The following VAMP7 variants were observed in gnomAD, a reference collection of about 807,000 sequenced individuals.
The protein encoded by VAMP7 is vesicle associated membrane protein 7.
In VAMP7, 14 loss-of-function variants were observed where a neutral mutation model predicts 29.6. That is an observed-to-expected ratio of 0.47 (90% confidence interval 0.31 to 0.74). VAMP7 has a LOEUF of 0.74. VAMP7 is among the 30% of genes least tolerant of loss of function. The pLI is 0.05. For missense variants in VAMP7, 223 were observed against 262.4 expected (o/e 0.85, Z 1.04); for synonymous variants, 95 against 88.1 (o/e 1.08, Z -0.44).
In VAMP7 at chrX:155,895,541, C is replaced by T. The variant is rs142456009; in HGVS notation, c.147-82C>T. 6.9e-3 allele frequency: 6,879 copies of T among 990,394 alleles called. 28 individuals carry two copies. The highest frequency in any genetic ancestry group is 9.1e-3 in the Non-Finnish European group (5,730 of 628,896). 61.4% of individuals were successfully genotyped at this position (990,394 alleles called of 1,614,324 possible). A position where few individuals can be genotyped will look rare whatever the true frequency, so the allele number is the denominator to read the frequency against. ...ATATGGTGACATTGGCAGTACTGAA[C>T]GTGCTTATACATAGATAGAAGATAG... On this transcript the variant is annotated intron_variant, in intron 2 of 7. Coordinates refer to ENST00000286448, the MANE Select transcript of VAMP7 (RefSeq NM_005638.6).
intron 3 of VAMP7, among the ~76,000 whole-genome samples, chrX:155,896,530 C>T (rs2065989541): frequency 6.6e-6 from 1 of 152,154 alleles, no homozygotes; most frequent in Non-Finnish European, 1.5e-5. Context: ...CATTAAGGTC[C>T]TTTCTCTTCT....
At chrX:155,931,053 C>T (rs76446736) in intron 6 of VAMP7, among the ~76,000 whole-genome samples, 10 of 152,060 alleles carry the variant, frequency 6.6e-5, no homozygotes, top group South Asian at 6.2e-4. Flanking sequence ...TCCTTTTTTA[C>T]GGCTGCGTAG....
chrX:155,939,509 CAT>C (rs1569453195), intron 6 of VAMP7, among the ~76,000 whole-genome samples, 190 bp from the exon 7 acceptor site: 2 of 152,132 alleles, frequency 1.3e-5, no homozygotes. Context: ...TCATTGGGCT[CAT>C]ACTGCTTATG....
At chrX:155,899,821 G>A (rs776135942) in intron 4 of VAMP7, among the ~76,000 whole-genome samples, 50 of 152,108 alleles carry the variant, frequency 3.3e-4, no homozygotes, top group South Asian at 1.4e-3. Flanking sequence ...CTGTTCCTTT[G>A]TCTGTAAATA....
In VAMP7 at chrX:155,895,720, A is replaced by T. The variant is rs2065978741; in HGVS notation, c.204+40A>T. On this transcript the variant is annotated intron_variant, in intron 3 of 7. Transcript: ENST00000286448. The stretch of plus-strand genomic sequence containing the variant: ...GACATATTGCTATTTAACTATGTGT[A>T]CTGTTAATACAGCCAGTTCTTAATT... The T allele has an allele frequency of 1.9e-6, 3 of 1,546,328 alleles. No homozygotes were observed. The South Asian group carries it at 3.4e-5, about 17-fold the overall frequency.
intron 1 of VAMP7, among the ~76,000 whole-genome samples, chrX:155,885,136 C>G (rs2065850353): frequency 6.6e-6 from 1 of 152,148 alleles, no homozygotes; most frequent in Non-Finnish European, 1.5e-5. Flanking sequence ...ATTTATAATT[C>G]TCATTTGAAT....
At chrX:155,909,521 A>G (rs1316728388) in intron 5 of VAMP7, among the ~76,000 whole-genome samples, 1 of 151,858 alleles carries the variant, frequency 6.6e-6, no homozygotes, top group African/African-American at 2.4e-5. Flanking sequence ...CTAGCTTTAG[A>G]TTTAGTTTAC....
chrX:155,913,265 G>C (rs2066263845), intron 5 of VAMP7, among the ~76,000 whole-genome samples: 1 of 152,062 alleles, frequency 6.6e-6, no homozygotes, highest in Non-Finnish European at 1.5e-5. Context: ...GTAGATTCCG[G>C]ATATTAGCCC....
chrX:155,925,316 T>A (rs192053499), intron 6 of VAMP7, among the ~76,000 whole-genome samples: 30 of 152,334 alleles, frequency 2.0e-4, no homozygotes, highest in African/African-American at 6.7e-4. Context: ...AATCATTATC[T>A]ATGGCAGCTA....
chrX:155,937,159 A>G (rs1239761671), intron 6 of VAMP7, among the ~76,000 whole-genome samples: 2 of 152,214 alleles, frequency 1.3e-5, no homozygotes, highest in Non-Finnish European at 2.9e-5. Context: ...AGTGAAATAT[A>G]CTAGACACAG....
At chrX:155,897,582 C>G (rs761691072) in intron 3 of VAMP7, among the ~76,000 whole-genome samples, 1 of 152,062 alleles carries the variant, frequency 6.6e-6, no homozygotes, top group East Asian at 1.9e-4. Context: ...TTTTTTTCCT[C>G]TAAGGTATTC....
intron 5 of VAMP7, among the ~76,000 whole-genome samples, chrX:155,912,104 G>T (rs964962612): frequency 6.6e-6 from 1 of 152,070 alleles, no homozygotes; most frequent in African/African-American, 2.4e-5. Flanking sequence ...CATTCCGTAT[G>T]ATGTTAGCTG....
At chrX:155,887,846 A>G (rs1389919176) in intron 1 of VAMP7, among the ~76,000 whole-genome samples, 1 of 151,720 alleles carries the variant, frequency 6.6e-6, no homozygotes, top group Non-Finnish European at 1.5e-5. Flanking sequence ...TAGGAGGATC[A>G]CTTGAGCCTG....
At chrX:155,930,682 CTTTTTTA>C (rs1294483261) in intron 6 of VAMP7, among the ~76,000 whole-genome samples, 4 of 149,358 alleles carry the variant, frequency 2.7e-5, no homozygotes, top group African/African-American at 7.4e-5. Context: ...TCTTTTAATT[CTTTTTTA>C]TTTTTTATTT....
At chrX:155,894,572 T>C (rs1011725167) in intron 2 of VAMP7, among the ~76,000 whole-genome samples, 3 of 152,034 alleles carry the variant, frequency 2.0e-5, no homozygotes, top group African/African-American at 7.2e-5. Context: ...TAGGCCCTTA[T>C]GCTTGCTGCT....
intron 6 of VAMP7, among the ~76,000 whole-genome samples, chrX:155,938,077 T>G (rs2066689115): frequency 6.6e-6 from 1 of 152,232 alleles, no homozygotes; most frequent in Non-Finnish European, 1.5e-5. Context: ...TGACTTTGTT[T>G]AAAATTAGTT....
chrX:155,892,027 A>G (rs1245274911), intron 2 of VAMP7, among the ~76,000 whole-genome samples: 2 of 152,156 alleles, frequency 1.3e-5, no homozygotes, highest in South Asian at 2.1e-4. Context: ...TAGGGCATAT[A>G]TCTTCCACTC....
chrX:155,929,173 A>T (rs189343356), intron 6 of VAMP7, among the ~76,000 whole-genome samples: 4 of 152,294 alleles, frequency 2.6e-5, no homozygotes, highest in Admixed American at 6.5e-5. Flanking sequence ...ACAACTATAC[A>T]GTTTACACGT....
At position 155,942,085 on chromosome X, in the gene VAMP7, CT is replaced by C. The variant is rs772208034; in HGVS notation, c.*136del. On this transcript the variant is annotated 3_prime_UTR_variant, in exon 8 of 8. Transcript: ENST00000286448. ...CAACCCTCTTCTCACTTTTTAAAAT[CT>C]TGTTCCATGCCTCCAGGTTTATCTT... is the stretch of plus-strand genomic sequence containing the variant. The C allele has an allele frequency of 6.4e-7, 1 of 1,563,990 alleles. No individual in the cohort carries two copies. The highest frequency in any genetic ancestry group is 1.4e-5 in the African/African-American group (1 of 73,550).
Sources: gnomAD v4.1 joint callset for allele counts (sites outside exome capture counted in the v4.1 genomes callset) on GRCh38, gnomAD v4.1.1 for gene constraint, MANE v1.5 for transcripts, NCBI Gene and HGNC (gene_info 2026-07-23, HGNC 2026-07-21) for gene names.